SH3TC2: variants seen among roughly 807,000 people sequenced by gnomAD.
SH3TC2 encodes the protein SH3 domain and tetratricopeptide repeat-containing protein 2.
Under a neutral mutation model 124.5 loss-of-function variants are expected in SH3TC2, and 87 were observed. The observed-to-expected ratio is 0.70, with a 90% confidence interval of 0.59 to 0.84. The LOEUF is 0.84. SH3TC2 is among the 40% of genes least tolerant of loss of function. SH3TC2 has a pLI of 0.00. For missense variants in SH3TC2, 1,536 were observed against 1,566.4 expected (o/e 0.98, Z 0.33); for synonymous variants, 634 against 628.5 (o/e 1.01, Z -0.13).
chr5:149,034,742 C>T (rs934354305), intron 8 of SH3TC2, among the ~76,000 whole-genome samples: 3 of 152,002 alleles, frequency 2.0e-5, no homozygotes, highest in African/African-American at 7.2e-5. Flanking sequence ...AAAGCAAATG[C>T]TGTCATTAAT....
chr5:149,007,137 C>A, intron 15 of SH3TC2, 60 bp from the exon 16 acceptor site: 1 of 1,541,826 alleles, frequency 6.5e-7, no homozygotes, highest in Non-Finnish European at 9.0e-7. Flanking sequence ...CATTTGTTCA[C>A]TCATTCATTC....
Position 149,026,660 on chromosome 5 carries a change from C to T in SH3TC2, c.2965G>A (p.Ala989Thr), listed in dbSNP as rs1223935059. The T allele has an allele frequency of 2.5e-6, 4 of 1,614,072 alleles. No individual in the cohort carries two copies. The highest frequency in any genetic ancestry group is 3.4e-6 in the Non-Finnish European group (4 of 1,180,038). Reference sequence around the variant, plus strand: ...CGGTCCCTGAGTTGCTGAGCCAGGGCCAGCCAGTGCTCATGGTAGGTGATG... The same window carrying T: ...CGGTCCCTGAGTTGCTGAGCCAGGGTCAGCCAGTGCTCATGGTAGGTGATG... ...ACITYHEHWL[A>T]LAQQLRDREM... Residue 989 changes from alanine to threonine, a missense_variant, in exon 12 of 17, where the codon GCC becomes ACC. Coordinates refer to ENST00000515425, the MANE Select transcript of SH3TC2 (RefSeq NM_024577.4).
Position 148,989,866 on chromosome 5 carries a change from A to G in SH3TC2, c.*14845T>C, listed in dbSNP as rs932504351. Among the ~76,000 whole-genome samples, 8 of 152,176 alleles carry G rather than the reference A, an allele frequency of 5.3e-5. No homozygotes were observed. The highest frequency in any genetic ancestry group is 1.4e-4 in the African/African-American group (6 of 41,442). ...ACCAGGACATTTGGGAAATGTCCCT[A>G]TGAATCAATCCACCTGCACTGGGGA... On this transcript the variant is annotated 3_prime_UTR_variant, in exon 17 of 17. Coordinates refer to ENST00000515425, the MANE Select transcript of SH3TC2 (RefSeq NM_024577.4).
At chr5:149,034,416 A>C (rs1754249661) in intron 8 of SH3TC2, 1 of 328,440 alleles carries the variant, frequency 3.0e-6, no homozygotes, top group Non-Finnish European at 6.1e-6. Flanking sequence ...CAGAAGAGAG[A>C]CTAAAAAGAA....
chr5:149,036,947 T>A (rs1050561645), intron 8 of SH3TC2, among the ~76,000 whole-genome samples: 1 of 152,112 alleles, frequency 6.6e-6, no homozygotes, highest in African/African-American at 2.4e-5. Flanking sequence ...TGCCTCCAGA[T>A]TCCCCCTGAT....
At chr5:149,016,196 T>C (rs1053466614) in intron 12 of SH3TC2, among the ~76,000 whole-genome samples, 1 of 152,068 alleles carries the variant, frequency 6.6e-6, no homozygotes, top group Non-Finnish European at 1.5e-5. Flanking sequence ...ATTTTACTAA[T>C]AGAAAAAAAA....
chr5:149,059,914 T>G (rs1262363763), intron 1 of SH3TC2, among the ~76,000 whole-genome samples: 1 of 152,218 alleles, frequency 6.6e-6, no homozygotes, highest in Non-Finnish European at 1.5e-5. Context: ...CATGGCATAA[T>G]GCAAAAATTT....
At chr5:149,042,566 A>T (rs1296378142) in intron 5 of SH3TC2, 128 bp downstream of exon 5, 4 of 1,110,026 alleles carry the variant, frequency 3.6e-6, no homozygotes, top group Non-Finnish European at 4.1e-6. Context: ...CTATTATAAC[A>T]GGTGGGTTCA....
chr5:148,987,138 A>C lies in SH3TC2; in HGVS notation c.*17573T>G, dbSNP rs951306506. On this transcript the variant is annotated 3_prime_UTR_variant, in exon 17 of 17. Coordinates refer to ENST00000515425, the MANE Select transcript of SH3TC2 (RefSeq NM_024577.4). ...TCTCACACTTTAGAAGAAATGTGTA[A>C]ATCAAATGCTTCTAAATTTAATTTG... Among the ~76,000 whole-genome samples the C allele has an allele frequency of 5.3e-5, 8 of 152,214 alleles. No individual in the cohort carries two copies. The South Asian group carries it at 1.4e-3, about 28-fold the overall frequency.
rs55853803 is a variant in SH3TC2 at position 149,008,857 on chromosome 5, C to T, written c.3472G>A (p.Val1158Ile). ...AATAGTGAAGACCACCCACCTGTGA[C>T]TGTGCTGAGCCTGGCGGCCAGGGTG... The part of the protein sequence containing the change: ...FATLAARLST[V>I]TGDQRQELVA... Residue 1158 changes from valine to isoleucine, a missense_variant, in exon 15 of 17, where the codon GTC becomes ATC. Around this residue, in one of 3 missense-constraint regions of SH3TC2, gnomAD observed 426 missense variants for 443.5 expected, o/e 0.96. Transcript: ENST00000515425. 51,040 of 1,614,142 alleles carry T rather than the reference C, an allele frequency of 0.032. 920 individuals carry two copies. The highest frequency in any genetic ancestry group is 0.046 in the South Asian group (4,147 of 91,086).
rs1371134026 is a variant in SH3TC2 at position 148,994,334 on chromosome 5, G to T, written c.*10377C>A. Among the ~76,000 whole-genome samples the T allele has an allele frequency of 6.6e-6, 1 of 152,174 alleles. No homozygotes were observed. Among genetic ancestry groups the T allele is most frequent in the Non-Finnish European group, 1.5e-5 (1 of 68,042 alleles). On this transcript the variant is annotated 3_prime_UTR_variant, in exon 17 of 17. Transcript: ENST00000515425. ...ATGCAATTACTTCTTGCAGGTAGGAGAAATTAAGAGAAGTCAATGATATAA... is the reference window on the plus strand; with the variant it reads ...ATGCAATTACTTCTTGCAGGTAGGATAAATTAAGAGAAGTCAATGATATAA...
chr5:149,044,916 C>T (rs889260086), intron 3 of SH3TC2: 4 of 284,894 alleles, frequency 1.4e-5, no homozygotes, highest in South Asian at 1.0e-4. Context: ...TGCTATACAG[C>T]GGCAGCAGCA....
At position 149,047,889 on chromosome 5, in the gene SH3TC2, C is replaced by T; in HGVS notation, c.252G>A (p.Glu84=). 4 of 1,614,160 alleles carry T rather than the reference C, an allele frequency of 2.5e-6. No homozygotes were observed. The highest frequency in any genetic ancestry group is 3.4e-6 in the Non-Finnish European group (4 of 1,180,026). The part of the protein sequence containing the change: ...ARRRLWALEN[E]DQEVRMLFKD... Reference sequence around the variant, plus strand: ...TAAACAGCATGCGCACCTCCTGGTCCTCATTCTCCAGTGCCCAGAGCCGCC... The same window carrying T: ...TAAACAGCATGCGCACCTCCTGGTCTTCATTCTCCAGTGCCCAGAGCCGCC... Residue 84 remains glutamate (E), a synonymous_variant, in exon 3 of 17, where the codon GAG becomes GAA. Transcript: ENST00000515425.
intron 2 of SH3TC2, among the ~76,000 whole-genome samples, chr5:149,051,137 T>C (rs933502906): frequency 5.3e-5 from 8 of 152,188 alleles, no homozygotes; most frequent in Middle Eastern, 3.2e-3. Context: ...TGTTACAGAG[T>C]TCTGCCCAGG....
At chr5:149,041,020 T>C (rs1754360069) in intron 6 of SH3TC2, among the ~76,000 whole-genome samples, 1 of 152,180 alleles carries the variant, frequency 6.6e-6, no homozygotes, top group South Asian at 2.1e-4. Context: ...AATCATATCT[T>C]CCAGCAGGAT....
At position 149,028,126 on chromosome 5, in the gene SH3TC2, G is replaced by C; in HGVS notation, c.1606C>G (p.Arg536Gly). ...AGTTTGACCTTCCTGATGCTCAGCC[G>C]GCCCAGGAGGAAGCAGAGACGGGCA... is the stretch of plus-strand genomic sequence containing the variant. ...AHARLCFLLG[R>G]LSIRKVKLSQ... Residue 536 changes from arginine (R) to glycine (G), a missense_variant, in exon 11 of 17, where the codon CGG becomes GGG. Arg to Gly is a moderately radical substitution (Grantham distance 125). This residue lies in a region of SH3TC2 where 1,102 missense variants were observed against 1,098.6 expected (regional missense o/e 1.00). Coordinates refer to ENST00000515425, the MANE Select transcript of SH3TC2 (RefSeq NM_024577.4). The C allele has an allele frequency of 3.1e-6, 5 of 1,614,084 alleles. No individual in the cohort carries two copies. The highest frequency in any genetic ancestry group is 3.4e-6 in the Non-Finnish European group (4 of 1,180,024).
intron 8 of SH3TC2, among the ~76,000 whole-genome samples, chr5:149,037,486 G>A (rs896597650): frequency 1.3e-5 from 2 of 152,182 alleles, no homozygotes; most frequent in African/African-American, 4.8e-5. Flanking sequence ...CTCTTCATTG[G>A]CTATTTCCCA....
At position 148,997,381 on chromosome 5, in the gene SH3TC2, AG is replaced by A. The variant is rs1753529136; in HGVS notation, c.*7329del. ...TTGACCAATCACTACTATAGGTCAA[AG>A]CTTTCTGTTCCTCCTTCTATTTTCC... On this transcript the variant is annotated 3_prime_UTR_variant, in exon 17 of 17. Coordinates refer to ENST00000515425, the MANE Select transcript of SH3TC2 (RefSeq NM_024577.4). Among the ~76,000 whole-genome samples the A allele has an allele frequency of 6.6e-6, 1 of 152,214 alleles. No individual in the cohort carries two copies. The highest frequency in any genetic ancestry group is 2.1e-4 in the South Asian group (1 of 4,824).
intron 8 of SH3TC2, 84 bp downstream of exon 8, chr5:149,038,211 C>A: frequency 7.1e-7 from 1 of 1,403,990 alleles, no homozygotes. Context: ...ACCCTCGAAG[C>A]TCAACTGCAA....
Sources: gnomAD v4.1 joint callset for allele counts (sites outside exome capture counted in the v4.1 genomes callset) on GRCh38, gnomAD v4.1.1 for gene constraint, gnomAD v4.1.1 regional missense constraint, MANE v1.5 for transcripts, NCBI Gene and HGNC (gene_info 2026-07-23, HGNC 2026-07-21) for gene names.